VWA8: variants seen among roughly 807,000 people sequenced by gnomAD.
VWA8 encodes von Willebrand factor A domain-containing protein 8.
A neutral mutation model predicts 241.5 loss-of-function variants in VWA8; 221 were observed. That is an observed-to-expected ratio of 0.91 (90% CI 0.82 to 1.02). The LOEUF is 1.02. Among genes scored for constraint, VWA8 ranks in the 50% least tolerant of loss-of-function variants. VWA8 has a pLI of 0.00. For missense variants in VWA8, 2,322 were observed against 2,328.7 expected, an observed-to-expected ratio of 1.00 and a Z score of 0.06; for synonymous variants, 852 against 827.1, an observed-to-expected ratio of 1.03 and a Z score of -0.52.
rs114051579 is a variant in VWA8 at position 41,904,431 on chromosome 13, C to T, written c.483+3155G>A. 1.7e-3 allele frequency among the ~76,000 whole-genome samples: 262 copies of T among 152,162 alleles called. 2 individuals carry two copies. Among genetic ancestry groups the T allele is most frequent in the African/African-American group, 5.7e-3 (238 of 41,518 alleles). ...CCTCACCTCTACTTAGGTCATTGTTCCAGCTTCTAATCCCTTTACCCAGCT... is the reference window on the plus strand; with the variant it reads ...CCTCACCTCTACTTAGGTCATTGTTTCAGCTTCTAATCCCTTTACCCAGCT... On this transcript the variant is annotated intron_variant, in intron 4 of 44. Transcript: ENST00000379310.
At chr13:41,917,503 A>C (rs1359782727) in intron 2 of VWA8, among the ~76,000 whole-genome samples, 1 of 152,222 alleles carries the variant, frequency 6.6e-6, no homozygotes, top group East Asian at 1.9e-4. Flanking sequence ...TTTCAAAATA[A>C]AGATAATAAT....
At chr13:41,873,961 C>A (rs916794067) in intron 9 of VWA8, among the ~76,000 whole-genome samples, 5 of 152,180 alleles carry the variant, frequency 3.3e-5, no homozygotes, top group African/African-American at 1.2e-4. Flanking sequence ...CCAAATCCAG[C>A]AGCATATCAA....
At chr13:41,945,048 C>T (rs559620618) in intron 2 of VWA8, among the ~76,000 whole-genome samples, 16 of 152,210 alleles carry the variant, frequency 1.1e-4, no homozygotes, top group Admixed American at 7.2e-4. Flanking sequence ...TCTCACCTTC[C>T]GCTAATCTTG....
chr13:41,841,829 A>C, intron 12 of VWA8, among the ~76,000 whole-genome samples: 1 of 29,430 alleles, frequency 3.4e-5, no homozygotes, highest in South Asian at 2.7e-3. Context: ...AAATATATAT[A>C]TATATATATA....
chr13:41,634,431 T>C (rs1358741905), intron 37 of VWA8, among the ~76,000 whole-genome samples: 1 of 152,204 alleles, frequency 6.6e-6, no homozygotes, highest in Non-Finnish European at 1.5e-5. Context: ...TACCCAATTT[T>C]TGACGTATTC....
At chr13:41,872,350 C>T (rs1873670839) in intron 9 of VWA8, among the ~76,000 whole-genome samples, 1 of 152,164 alleles carries the variant, frequency 6.6e-6, no homozygotes. Flanking sequence ...CTTGCCATTG[C>T]TTTTGGTGTT....
At position 41,791,944 on chromosome 13, in the gene VWA8, C is replaced by CA. The variant is rs200327189; in HGVS notation, c.2064-4402dup. Among the ~76,000 whole-genome samples, 1,395 of 148,086 alleles carry CA rather than the reference C, an allele frequency of 9.4e-3. 7 individuals carry two copies. The highest frequency in any genetic ancestry group is 0.013 in the Non-Finnish European group (879 of 66,716). ...ATCATAGAGTAATAATATATTTAGGCAAAAAAAAACTGTTGAAACTTCCAT... is the reference window on the plus strand; with the variant it reads ...ATCATAGAGTAATAATATATTTAGGCAAAAAAAAAACTGTTGAAACTTCCAT... On this transcript the variant is annotated intron_variant, in intron 17 of 44. Coordinates refer to ENST00000379310, the MANE Select transcript of VWA8 (RefSeq NM_015058.2).
intron 26 of VWA8, among the ~76,000 whole-genome samples, chr13:41,711,666 A>T (rs1489799177): frequency 6.6e-6 from 1 of 152,186 alleles, no homozygotes; most frequent in Non-Finnish European, 1.5e-5. Flanking sequence ...CGAGGTCAGG[A>T]GATCGAGACC....
At chr13:41,736,844 C>CTTTT (rs5803100) in intron 21 of VWA8, among the ~76,000 whole-genome samples, 10 of 128,484 alleles carry the variant, frequency 7.8e-5, no homozygotes, top group Non-Finnish European at 1.5e-4. Flanking sequence ...TTTTTCTTTT[C>CTTTT]TTTTTTTTTT....
intron 1 of VWA8, among the ~76,000 whole-genome samples, chr13:41,960,550 G>A (rs1200414507): frequency 6.6e-5 from 10 of 152,274 alleles, no homozygotes; most frequent in Admixed American, 3.3e-4. Flanking sequence ...TATAACCTAA[G>A]TCAGAATTCT....
At chr13:41,749,479 T>A (rs1224851349) in intron 21 of VWA8, among the ~76,000 whole-genome samples, 5 of 152,164 alleles carry the variant, frequency 3.3e-5, no homozygotes, top group East Asian at 1.9e-4. Context: ...TAGAAATACC[T>A]TTTGACCCAG....
At chr13:41,827,788 T>C (rs553127468) in intron 14 of VWA8, among the ~76,000 whole-genome samples, 1 of 152,312 alleles carries the variant, frequency 6.6e-6, no homozygotes, top group East Asian at 1.9e-4. Flanking sequence ...CTGAGCCAAA[T>C]TCCTGAAAGT....
chr13:41,835,528 G>A (rs187712392), intron 12 of VWA8, among the ~76,000 whole-genome samples: 8 of 152,160 alleles, frequency 5.3e-5, no homozygotes, highest in East Asian at 1.9e-4. Context: ...ACCATCATCC[G>A]TGTTTACTGA....
rs1233051771 is a variant in VWA8 at position 41,605,389 on chromosome 13, T to C, written c.4878-113A>G. ...CAAACTCCTTGGAAACTCAGATTCA[T>C]GTTGAGGAGAAAAGGCAAGAAGTGA... is the stretch of plus-strand genomic sequence containing the variant. On this transcript the variant is annotated intron_variant, in intron 39 of 44. Coordinates refer to ENST00000379310, the MANE Select transcript of VWA8 (RefSeq NM_015058.2). The C allele has an allele frequency of 6.0e-6, 6 of 999,794 alleles. No individual in the cohort carries two copies. In the Admixed American group the frequency reaches 1.1e-4, roughly 18 times the overall value. The allele number at this position is 999,794 out of a possible 1,614,324, so 61.9% of individuals were successfully genotyped here.
intron 21 of VWA8, among the ~76,000 whole-genome samples, chr13:41,735,519 G>A (rs1471767145): frequency 2.0e-5 from 3 of 152,100 alleles, no homozygotes; most frequent in Admixed American, 6.5e-5. Context: ...AATGGGAAAC[G>A]TGGCTTTTAG....
In VWA8 at chr13:41,727,207, G is replaced by T; in HGVS notation, c.2745C>A (p.Phe915Leu). Residue 915 changes from phenylalanine (F) to leucine (L), a missense_variant, in exon 24 of 45, where the codon TTC (phenylalanine) becomes TTA (leucine). Physicochemically the swap from Phe to Leu is conservative, Grantham distance 22. Coordinates refer to ENST00000379310, the MANE Select transcript of VWA8 (RefSeq NM_015058.2). ...RPGFPFLGND[F>L]FGTLGDIFSC... is the part of the protein sequence containing the mutation. The stretch of plus-strand genomic sequence containing the variant: ...TACTGTTTTTACCTAAGGTACCGAA[G>T]AAATCATTGCCTAGGAAAGGAAATC... 1 of 1,545,750 alleles carries T rather than the reference G, an allele frequency of 6.5e-7. No individual in the cohort carries two copies. The highest frequency in any genetic ancestry group is 1.2e-5 in the South Asian group (1 of 82,360).
intron 42 of VWA8, among the ~76,000 whole-genome samples, chr13:41,586,509 C>G (rs1253764678): frequency 6.6e-6 from 1 of 152,164 alleles, no homozygotes; most frequent in Admixed American, 6.5e-5. Flanking sequence ...CCACTTAATT[C>G]TAAAAGGAAT....
At chr13:41,744,503 T>C (rs554396568) in intron 21 of VWA8, among the ~76,000 whole-genome samples, 1 of 152,314 alleles carries the variant, frequency 6.6e-6, no homozygotes, top group African/African-American at 2.4e-5. Flanking sequence ...AAGCCCCTCA[T>C]CCCATCCCTT....
intron 2 of VWA8, among the ~76,000 whole-genome samples, chr13:41,943,279 A>G (rs1877684209): frequency 6.6e-6 from 1 of 152,178 alleles, no homozygotes; most frequent in Admixed American, 6.5e-5. Flanking sequence ...AAAATAGAGA[A>G]TTATCACTAT....
Sources: allele counts gnomAD v4.1 joint callset (sites outside exome capture counted in the v4.1 genomes callset), GRCh38; gene constraint gnomAD v4.1.1; transcripts MANE v1.5; gene names NCBI Gene and HGNC (gene_info 2026-07-23, HGNC 2026-07-21).